The following STRN3 variants were observed in gnomAD, a reference collection of about 807,000 sequenced individuals.
The protein encoded by STRN3 is striatin-3.
In STRN3, 29 loss-of-function variants were observed where a neutral mutation model predicts 95.6. That is an observed-to-expected ratio of 0.30 (90% CI 0.23 to 0.41). STRN3 has a LOEUF of 0.41. STRN3 is among the 10% of genes least tolerant of loss of function. The pLI is 1.00. For synonymous variants in STRN3, 331 were observed against 357.6 expected (o/e 0.93, Z 0.84); for missense variants, 890 against 972.1 (o/e 0.92, Z 1.12).
chr14:30,965,025 G>C (rs1880413649), intron 1 of STRN3, among the ~76,000 whole-genome samples: 1 of 152,072 alleles, frequency 6.6e-6, no homozygotes, highest in Non-Finnish European at 1.5e-5. Flanking sequence ...TTGAGGTTAA[G>C]TGTTCACACA....
chr14:30,975,068 C>A (rs548507386), intron 1 of STRN3, among the ~76,000 whole-genome samples: 5 of 57,108 alleles, frequency 8.8e-5, no homozygotes, highest in Non-Finnish European at 2.0e-4. Flanking sequence ...TGGTTATCTA[C>A]CCAGAGGAAA....
At chr14:30,907,406 A>G (rs1049030282) in intron 13 of STRN3, among the ~76,000 whole-genome samples, 3 of 152,106 alleles carry the variant, frequency 2.0e-5, no homozygotes, top group Non-Finnish European at 2.9e-5. Flanking sequence ...TACAACCATC[A>G]TGACAATCAA....
At chr14:30,927,634 T>C (rs2139043448) in intron 8 of STRN3, among the ~76,000 whole-genome samples, 1 of 150,506 alleles carries the variant, frequency 6.6e-6, no homozygotes, top group East Asian at 1.9e-4. Context: ...AAAAAAAAAA[T>C]TAAACCCTAG....
At chr14:30,987,274 G>C (rs1403825871) in intron 1 of STRN3, among the ~76,000 whole-genome samples, 1 of 152,170 alleles carries the variant, frequency 6.6e-6, no homozygotes. Context: ...TTGGGAGGCC[G>C]AGGCAGGCGG....
chr14:31,017,415 C>T (rs1387519830), intron 1 of STRN3, among the ~76,000 whole-genome samples: 3 of 151,064 alleles, frequency 2.0e-5, no homozygotes, highest in Admixed American at 6.6e-5. Flanking sequence ...AGGAGAATGG[C>T]GTGAACCCAG....
chr14:31,025,607 G>T, intron 1 of STRN3: 1 of 476,248 alleles, frequency 2.1e-6, no homozygotes, highest in Non-Finnish European at 3.8e-6. Context: ...AGCCCCGGAG[G>T]CCCGGGAAGG....
At position 30,899,770 on chromosome 14, in the gene STRN3, GACA is replaced by G. The variant is rs1594406755; in HGVS notation, c.2137+2763_2137+2765del. On this transcript the variant is annotated intron_variant, in intron 16 of 17. Coordinates refer to ENST00000357479, the MANE Select transcript of STRN3 (RefSeq NM_001083893.2). ...CCCCCACCCCCTCTTATTTCCTCTAGACAACAAGCCCACAGAAATCAGGAACCA... is the reference window on the plus strand; with the variant it reads ...CCCCCACCCCCTCTTATTTCCTCTAGACAAGCCCACAGAAATCAGGAACCA... Among the ~76,000 whole-genome samples the G allele has an allele frequency of 3.4e-5, 5 of 147,420 alleles. No individual in the cohort carries two copies. In the South Asian group the frequency reaches 1.1e-3, roughly 31 times the overall value.
intron 8 of STRN3, among the ~76,000 whole-genome samples, chr14:30,927,930 CA>C (rs56216107): frequency 0.019 from 1,610 of 84,998 alleles, 12 homozygotes; most frequent in African/African-American, 0.055. Flanking sequence ...GAGACTCCGT[CA>C]AAAAAAAAAA....
At chr14:31,009,971 C>G (rs996824319) in intron 1 of STRN3, among the ~76,000 whole-genome samples, 1 of 151,930 alleles carries the variant, frequency 6.6e-6, no homozygotes, top group Non-Finnish European at 1.5e-5. Context: ...GGCATGATGG[C>G]GTATGCCTCT....
At chr14:30,999,051 A>C (rs752358630) in intron 1 of STRN3, among the ~76,000 whole-genome samples, 6 of 152,186 alleles carry the variant, frequency 3.9e-5, no homozygotes, top group Non-Finnish European at 8.8e-5. Flanking sequence ...AAGCCCAGAC[A>C]CTGAACTTTT....
Position 30,956,914 on chromosome 14 carries a change from T to C in STRN3, c.283-672A>G, listed in dbSNP as rs368490771. 1.5e-4 allele frequency among the ~76,000 whole-genome samples: 23 copies of C among 152,358 alleles called. No individual in the cohort carries two copies. The East Asian group carries it at 4.2e-3, about 28-fold the overall frequency. On this transcript the variant is annotated intron_variant, in intron 1 of 17. Coordinates refer to ENST00000357479, the MANE Select transcript of STRN3 (RefSeq NM_001083893.2). ...TGGCTCATGCCAGTAATCCCAGCACTTTGGGAGGCCGAGGCAGGCAGATCA... is the reference window on the plus strand; with the variant it reads ...TGGCTCATGCCAGTAATCCCAGCACCTTGGGAGGCCGAGGCAGGCAGATCA...
intron 1 of STRN3, among the ~76,000 whole-genome samples, chr14:30,960,513 T>C (rs1281092416): frequency 1.3e-5 from 2 of 151,824 alleles, no homozygotes; most frequent in Admixed American, 6.6e-5. Flanking sequence ...GTGCAGAACA[T>C]TGAGAAAAAA....
At chr14:30,898,519 C>CA (rs1350964968) in intron 16 of STRN3, among the ~76,000 whole-genome samples, 1 of 152,174 alleles carries the variant, frequency 6.6e-6, no homozygotes, top group Admixed American at 6.6e-5. Flanking sequence ...CACAGAGTCA[C>CA]AAAAATCACT....
chr14:30,927,131 C>T (rs1186594547), intron 8 of STRN3, among the ~76,000 whole-genome samples: 1 of 151,994 alleles, frequency 6.6e-6, no homozygotes, highest in African/African-American at 2.4e-5. Context: ...CAGAGAAACC[C>T]CATCTCTACA....
chr14:31,016,972 T>C (rs1019662351), intron 1 of STRN3, among the ~76,000 whole-genome samples: 6 of 151,298 alleles, frequency 4.0e-5, no homozygotes, highest in Non-Finnish European at 7.4e-5. Context: ...CTCAGCAACT[T>C]AGCAAAACTC....
At chr14:30,914,372 A>G (rs565776069) in intron 9 of STRN3, among the ~76,000 whole-genome samples, 1 of 151,954 alleles carries the variant, frequency 6.6e-6, no homozygotes, top group African/African-American at 2.4e-5. Flanking sequence ...ATTTATTTAG[A>G]GACACAGTCT....
rs1265488840 is a variant in STRN3, at chr14:30,971,085, G to C, written c.283-14843C>G. ...CACTTTGTGTCTCTCACAACATGGAGGAAACTTAGCGTTCCTTGGAGACCT... is the reference window on the plus strand; with the variant it reads ...CACTTTGTGTCTCTCACAACATGGACGAAACTTAGCGTTCCTTGGAGACCT... On this transcript the variant is annotated intron_variant, in intron 1 of 17. Transcript: ENST00000357479. 3.3e-5 allele frequency among the ~76,000 whole-genome samples: 5 copies of C among 152,376 alleles called. No individual in the cohort carries two copies. The South Asian group carries it at 1.0e-3, about 32-fold the overall frequency.
In STRN3 at chr14:31,004,767, C is replaced by T. The variant is rs370303291; in HGVS notation, c.282+21137G>A. Reference sequence around the variant, plus strand: ...CAGCCTGGGCAACAAGAGTGAAACTCCGTATTGAAAAAAAAAATTTTTTTT... The same window carrying T: ...CAGCCTGGGCAACAAGAGTGAAACTTCGTATTGAAAAAAAAAATTTTTTTT... On this transcript the variant is annotated intron_variant, in intron 1 of 17. Transcript: ENST00000357479. Among the ~76,000 whole-genome samples the T allele has an allele frequency of 4.6e-5, 7 of 152,080 alleles. No homozygotes were observed. The South Asian group carries it at 8.3e-4, about 18-fold the overall frequency.
chr14:30,951,606 T>G (rs1182880236), intron 3 of STRN3, among the ~76,000 whole-genome samples: 3 of 152,182 alleles, frequency 2.0e-5, no homozygotes, highest in African/African-American at 7.2e-5. Flanking sequence ...TTATATGAGC[T>G]ATTCAAAATC....
Sources: gnomAD v4.1 joint callset for allele counts (sites outside exome capture counted in the v4.1 genomes callset) on GRCh38, gnomAD v4.1.1 for gene constraint, MANE v1.5 for transcripts, NCBI Gene and HGNC (gene_info 2026-07-23, HGNC 2026-07-21) for gene names.